The following LIMCH1 variants were observed in gnomAD, a reference collection of about 807,000 sequenced individuals.
LIMCH1 encodes the protein LIM and calponin homology domains-containing protein 1.
LIMCH1 carries 113 observed loss-of-function variants against 176.5 expected under a neutral mutation model. The observed-to-expected ratio is 0.64, with a 90% CI of 0.55 to 0.75. The LOEUF (loss-of-function observed/expected upper bound fraction) is 0.75, where lower values mean the gene tolerates loss of function less well. Among genes scored for constraint, LIMCH1 ranks in the 30% least tolerant of loss-of-function variants. LIMCH1 has a pLI of 0.00. For synonymous variants in LIMCH1, 619 were observed against 645.9 expected (o/e 0.96, Z 0.63); for missense variants, 1,674 against 1,814.9 (o/e 0.92, Z 1.41).
At chr4:41,683,007 C>A (rs1474761689) in intron 26 of LIMCH1, among the ~76,000 whole-genome samples, 2 of 152,068 alleles carry the variant, frequency 1.3e-5, no homozygotes, top group Non-Finnish European at 2.9e-5. Context: ...TAGGCAAACT[C>A]TTTTTTAAAC....
At chr4:41,493,581 G>C (rs191468790) in intron 1 of LIMCH1, among the ~76,000 whole-genome samples, 6 of 152,284 alleles carry the variant, frequency 3.9e-5, no homozygotes, top group African/African-American at 1.4e-4. Flanking sequence ...ACTGGAAGAT[G>C]TGCATAGGTT....
intron 2 of LIMCH1, among the ~76,000 whole-genome samples, chr4:41,499,419 C>T (rs926103689): frequency 6.6e-6 from 1 of 152,150 alleles, no homozygotes; most frequent in Non-Finnish European, 1.5e-5. Flanking sequence ...CATTATCCTC[C>T]GTAACCATTC....
chr4:41,684,146 T>G (rs1041837856), intron 26 of LIMCH1, among the ~76,000 whole-genome samples: 4 of 152,350 alleles, frequency 2.6e-5, no homozygotes, highest in African/African-American at 9.6e-5. Flanking sequence ...TCCTTGAAAT[T>G]ATTAGAATGA....
At chr4:41,414,152 G>C (rs886189016) in intron 1 of LIMCH1, among the ~76,000 whole-genome samples, 4 of 151,838 alleles carry the variant, frequency 2.6e-5, no homozygotes, top group African/African-American at 9.7e-5. Flanking sequence ...TAACAGGATG[G>C]GGGGGCAGGA....
intron 28 of LIMCH1, among the ~76,000 whole-genome samples, chr4:41,686,198 C>G (rs918765504): frequency 6.6e-6 from 1 of 152,156 alleles, no homozygotes; most frequent in African/African-American, 2.4e-5. Flanking sequence ...TTATTATGCT[C>G]TCCTGTAAGG....
At chr4:41,503,197 C>G (rs1463269099) in intron 2 of LIMCH1, among the ~76,000 whole-genome samples, 2 of 152,120 alleles carry the variant, frequency 1.3e-5, no homozygotes, top group Admixed American at 6.5e-5. Context: ...TGGAGTAATT[C>G]CAGTAGAAGT....
intron 1 of LIMCH1, among the ~76,000 whole-genome samples, chr4:41,553,078 CA>C (rs2080730534): frequency 6.6e-6 from 1 of 152,194 alleles, no homozygotes; most frequent in Non-Finnish European, 1.5e-5. Flanking sequence ...CCAGGCGCTA[CA>C]AGAATCTCTT....
At chr4:41,469,464 G>A (rs1017106410) in intron 1 of LIMCH1, among the ~76,000 whole-genome samples, 1 of 148,956 alleles carries the variant, frequency 6.7e-6, no homozygotes, top group African/African-American at 2.6e-5. Flanking sequence ...AGTGAGAGAG[G>A]AAGGTGACTC....
chr4:41,543,839 C>T (rs112314236), intron 1 of LIMCH1, among the ~76,000 whole-genome samples: 3,893 of 152,214 alleles, frequency 0.026, 83 homozygotes, highest in South Asian at 0.051. Flanking sequence ...AAAGATGTTA[C>T]TGTATCTTAA....
Position 41,635,423 on chromosome 4 carries a change from T to G in LIMCH1, c.2090+1615T>G, listed in dbSNP as rs1452143062. ...TTGTATTTTTAGTAGAGACGGGGTT[T>G]CGCTGTGTTGGCCAGGCTGGTCTGG... On this transcript the variant is annotated intron_variant, in intron 13 of 31. Transcript: ENST00000503057. Among the ~76,000 whole-genome samples, 4 of 152,164 alleles carry G rather than the reference T, an allele frequency of 2.6e-5. No homozygotes were observed. The East Asian group carries it at 7.7e-4, about 29-fold the overall frequency.
At chr4:41,413,840 C>G (rs1313160834) in intron 1 of LIMCH1, among the ~76,000 whole-genome samples, 1 of 152,072 alleles carries the variant, frequency 6.6e-6, no homozygotes, top group Non-Finnish European at 1.5e-5. Context: ...GGAAAAAAGA[C>G]TAGCAGAGGT....
At chr4:41,428,606 G>A (rs1375306189) in intron 1 of LIMCH1, among the ~76,000 whole-genome samples, 1 of 152,204 alleles carries the variant, frequency 6.6e-6, no homozygotes, top group Non-Finnish European at 1.5e-5. Context: ...CTTTAAGCAA[G>A]CCAATTTATC....
intron 7 of LIMCH1, among the ~76,000 whole-genome samples, chr4:41,622,341 CTT>C (rs200524707): frequency 0.032 from 4,878 of 152,190 alleles, 264 homozygotes; most frequent in African/African-American, 0.11. Flanking sequence ...CAGCTTCTGC[CTT>C]TAAGGACATA....
intron 1 of LIMCH1, among the ~76,000 whole-genome samples, chr4:41,546,510 A>G (rs999716557): frequency 1.3e-5 from 2 of 151,662 alleles, no homozygotes; most frequent in East Asian, 3.9e-4. Flanking sequence ...TTGCCTATCT[A>G]TAGAATGAAA....
intron 5 of LIMCH1, among the ~76,000 whole-genome samples, chr4:41,618,365 G>A (rs191458783): frequency 6.6e-6 from 1 of 152,204 alleles, no homozygotes; most frequent in Admixed American, 6.5e-5. Context: ...TGTTGGGAAT[G>A]CTGAATTCCT....
chr4:41,641,897 TG>T (rs922954219), intron 14 of LIMCH1, among the ~76,000 whole-genome samples: 2 of 152,226 alleles, frequency 1.3e-5, no homozygotes, highest in African/African-American at 4.8e-5. Context: ...TTTAACTAAC[TG>T]GCTTCTGGCC....
intron 30 of LIMCH1, among the ~76,000 whole-genome samples, chr4:41,691,995 G>A (rs1726338065): frequency 6.6e-6 from 1 of 152,178 alleles, no homozygotes; most frequent in South Asian, 2.1e-4. Flanking sequence ...AGGCTTTGGA[G>A]TCAACCTGCT....
chr4:41,435,684 G>A lies in LIMCH1; in HGVS notation c.97-58852G>A, dbSNP rs565149757. The stretch of plus-strand genomic sequence containing the variant: ...ACTATTTGATGAGCAAGAACATTGA[G>A]GGGTAAGGAGTGAAGTTCAGTAACT... On this transcript the variant is annotated intron_variant, in intron 1 of 26. Transcript: ENST00000313860. Among the ~76,000 whole-genome samples the A allele has an allele frequency of 5.3e-5, 8 of 152,262 alleles. No individual in the cohort carries two copies. In the East Asian group the frequency reaches 1.5e-3, roughly 29 times the overall value.
chr4:41,525,978 T>C (rs1303838861), intron 3 of LIMCH1, among the ~76,000 whole-genome samples: 1 of 152,134 alleles, frequency 6.6e-6, no homozygotes, highest in African/African-American at 2.4e-5. Flanking sequence ...CCCAGTCCAG[T>C]AGCTAAAGAG....
Sources: allele counts gnomAD v4.1 joint callset (sites outside exome capture counted in the v4.1 genomes callset), GRCh38; gene constraint gnomAD v4.1.1; transcripts MANE v1.5; gene names NCBI Gene and HGNC (gene_info 2026-07-23, HGNC 2026-07-21).